Variants in DACH2 observed in about 807,000 individuals in gnomAD.
DACH2 encodes dachshund family transcription factor 2.
DACH2 carries 17 observed loss-of-function variants against 35.8 expected under a neutral mutation model. The ratio of observed to expected loss-of-function variants is 0.48; its 90% CI spans 0.33 to 0.71. The LOEUF is 0.71. Among genes scored for constraint, DACH2 ranks in the 30% least tolerant of loss-of-function variants. The pLI, the probability that DACH2 is intolerant of heterozygous loss-of-function variation, is 0.02. For missense variants in DACH2, 469 were observed against 472.7 expected (o/e 0.99, Z 0.07); for synonymous variants, 195 against 177.3 (o/e 1.10, Z -0.79).
At chrX:86,316,814 G>A (rs1339339922) in intron 1 of DACH2, among the ~76,000 whole-genome samples, 5 of 110,926 alleles carry the variant, frequency 4.5e-5, no homozygotes, top group African/African-American at 1.6e-4. Context: ...ACCTTTACAA[G>A]GAGGTTTAGA....
intron 1 of DACH2, among the ~76,000 whole-genome samples, chrX:86,231,401 C>CG (rs1487958745): frequency 9.2e-6 from 1 of 108,146 alleles, no homozygotes; most frequent in African/African-American, 3.4e-5. Context: ...TAGGTAGGGG[C>CG]GGGGCTAGGT....
At chrX:86,636,390 G>A (rs1038614763) in intron 3 of DACH2, among the ~76,000 whole-genome samples, 6 of 107,072 alleles carry the variant, frequency 5.6e-5, no homozygotes, top group Admixed American at 9.9e-5. Flanking sequence ...AGAGGTTGCA[G>A]TGAGCTGAGA....
At chrX:86,804,366 T>C (rs2042323047) in intron 7 of DACH2, among the ~76,000 whole-genome samples, 2 of 111,375 alleles carry the variant, frequency 1.8e-5, no homozygotes, top group Admixed American at 1.9e-4. Flanking sequence ...TGCTAGACCG[T>C]TCATGAGAAC....
chrX:86,516,924 T>C (rs919924264), intron 3 of DACH2, among the ~76,000 whole-genome samples: 6 of 111,886 alleles, frequency 5.4e-5, no homozygotes, highest in Non-Finnish European at 1.1e-4. Flanking sequence ...TTCCATGGTG[T>C]ATATATACCA....
At chrX:86,765,903 A>G (rs1216734390) in intron 7 of DACH2, among the ~76,000 whole-genome samples, 2 of 107,873 alleles carry the variant, frequency 1.9e-5, no homozygotes, top group African/African-American at 3.4e-5. Flanking sequence ...ATATTTTTCT[A>G]CTTATTTGGA....
chrX:86,267,327 G>T (rs1235906768), intron 1 of DACH2, among the ~76,000 whole-genome samples: 3 of 111,957 alleles, frequency 2.7e-5, no homozygotes, highest in African/African-American at 9.7e-5. Flanking sequence ...ATATAAATAT[G>T]AATAAGCATT....
intron 3 of DACH2, among the ~76,000 whole-genome samples, chrX:86,603,957 A>T (rs1214882666): frequency 9.0e-6 from 1 of 110,687 alleles, no homozygotes; most frequent in Non-Finnish European, 1.9e-5. Flanking sequence ...TTATCTAGAT[A>T]TTTTTCTCTT....
intron 1 of DACH2, among the ~76,000 whole-genome samples, chrX:86,225,545 A>G (rs2032804719): frequency 9.0e-6 from 1 of 110,945 alleles, no homozygotes; most frequent in Non-Finnish European, 1.9e-5. Flanking sequence ...AGTGGATCTG[A>G]AATGTGATTA....
At chrX:86,560,546 CAG>C (rs1410464298) in intron 3 of DACH2, among the ~76,000 whole-genome samples, 18 of 105,501 alleles carry the variant, frequency 1.7e-4, no homozygotes, top group Admixed American at 6.3e-4. Flanking sequence ...GGTACCAAAA[CAG>C]AGATATAGAT....
intron 8 of DACH2, 48 bp from the exon 9 acceptor site, chrX:86,813,082 A>G: frequency 8.5e-7 from 1 of 1,169,823 alleles, no homozygotes; most frequent in Non-Finnish European, 1.1e-6. Flanking sequence ...TATTTGATAA[A>G]TTAAAACAGA....
intron 3 of DACH2, among the ~76,000 whole-genome samples, chrX:86,567,899 A>G (rs974962077): frequency 4.5e-5 from 5 of 111,901 alleles, no homozygotes; most frequent in Admixed American, 2.9e-4. Flanking sequence ...ACATGAAAGC[A>G]ACCAAGATAT....
rs193050571 is a variant in DACH2 at position 86,309,538 on chromosome X, G to T, written c.489-67286G>T. Among the ~76,000 whole-genome samples, 4 of 111,675 alleles carry T rather than the reference G, an allele frequency of 3.6e-5. No individual in the cohort carries two copies. In the Admixed American group the frequency reaches 3.8e-4, roughly 11 times the overall value. The stretch of plus-strand genomic sequence containing the variant: ...TTTTGCTTCCAGAAGATATCACACT[G>T]GTCCATTACATTGATGACATTATGC... On this transcript the variant is annotated intron_variant, in intron 1 of 11. Transcript: ENST00000373125.
intron 2 of DACH2, among the ~76,000 whole-genome samples, chrX:86,513,376 G>C (rs2038421814): frequency 9.0e-6 from 1 of 111,516 alleles, no homozygotes; most frequent in Non-Finnish European, 1.9e-5. Context: ...AAATATATTG[G>C]GTGACTCGAG....
chrX:86,815,535 C>T (rs1421959876), intron 10 of DACH2, among the ~76,000 whole-genome samples: 1 of 108,234 alleles, frequency 9.2e-6, no homozygotes, highest in Non-Finnish European at 1.9e-5. Flanking sequence ...ACATGAAGAC[C>T]ACAAACCATA....
chrX:86,499,166 T>A (rs1448025165), intron 2 of DACH2, among the ~76,000 whole-genome samples: 1 of 112,211 alleles, frequency 8.9e-6, no homozygotes, highest in African/African-American at 3.2e-5. Flanking sequence ...CTATCTTCAA[T>A]GGAAATAAGG....
intron 7 of DACH2, among the ~76,000 whole-genome samples, chrX:86,745,081 C>G (rs937529346): frequency 9.0e-6 from 1 of 111,158 alleles, no homozygotes; most frequent in African/African-American, 3.3e-5. Context: ...CTCTGATTAT[C>G]AAATCTGATA....
intron 2 of DACH2, among the ~76,000 whole-genome samples, chrX:86,394,958 AATTT>A (rs2036259189): frequency 8.9e-6 from 1 of 111,813 alleles, no homozygotes; most frequent in Non-Finnish European, 1.9e-5. Context: ...TTATATTTGC[AATTT>A]ATTTATTTAC....
At chrX:86,597,577 G>C (rs567245156) in intron 3 of DACH2, among the ~76,000 whole-genome samples, 1 of 111,506 alleles carries the variant, frequency 9.0e-6, no homozygotes, top group Admixed American at 9.6e-5. Context: ...TTATTGTCTA[G>C]CATGTGGTTT....
chrX:86,539,688 A>G (rs1415909070), intron 3 of DACH2, among the ~76,000 whole-genome samples: 3 of 111,776 alleles, frequency 2.7e-5, no homozygotes, highest in Non-Finnish European at 5.6e-5. Context: ...AACAAGCTAT[A>G]TGGCTCTGAG....
Sources: gnomAD v4.1 joint callset for allele counts (sites outside exome capture counted in the v4.1 genomes callset) on GRCh38, gnomAD v4.1.1 for gene constraint, MANE v1.5 for transcripts, NCBI Gene and HGNC (gene_info 2026-07-23, HGNC 2026-07-21) for gene names.